ERMAP: variants seen among roughly 807,000 people sequenced by gnomAD.
ERMAP encodes the protein erythroid membrane-associated protein.
ERMAP carries 34 observed loss-of-function variants against 49.5 expected under a neutral mutation model. That is an observed-to-expected ratio of 0.69 (90% CI 0.52 to 0.91). ERMAP has a LOEUF of 0.91. Among genes scored for constraint, ERMAP ranks in the 40% least tolerant of loss-of-function variants. The pLI is 0.00. For missense variants in ERMAP, 541 were observed against 582.6 expected (o/e 0.93, Z 0.74); for synonymous variants, 214 against 232.2 (o/e 0.92, Z 0.71).
rs145113385 is a variant in ERMAP at position 42,819,170 on chromosome 1, CGTGTGTGT to C, written c.-122+1947_-122+1954del. Among the ~76,000 whole-genome samples, 4,199 of 142,302 alleles carry C rather than the reference CGTGTGTGT, an allele frequency of 0.03. 122 individuals carry two copies. Among genetic ancestry groups the C allele is most frequent in the South Asian group, 0.11 (486 of 4,368 alleles). 93.4% of individuals were successfully genotyped at this position (142,302 alleles called of 152,430 possible). A position where few individuals can be genotyped will look rare whatever the true frequency, so the allele number is the denominator to read the frequency against. On this transcript the variant is annotated intron_variant, in intron 1 of 11. Transcript: ENST00000372517. The surrounding 1 kb of genome is among the most constrained non-coding windows in gnomAD (Gnocchi z 5.1). ...GGTGAGGAAGAGGATAAGTTAGGAGCGTGTGTGTGTGTGTGTGTGTGTGTGTGTGTGTG... is the reference window on the plus strand; with the variant it reads ...GGTGAGGAAGAGGATAAGTTAGGAGCGTGTGTGTGTGTGTGTGTGTGTGTG...
At chr1:42,839,273 A>C (rs1654989657) in intron 8 of ERMAP, 1 of 333,034 alleles carries the variant, frequency 3.0e-6, no homozygotes, top group Non-Finnish European at 5.6e-6. Flanking sequence ...ATGCTGGAGC[A>C]GTACTTCTCC....
At chr1:42,839,070 G>T in intron 8 of ERMAP, 149 bp downstream of exon 8, 1 of 1,157,490 alleles carries the variant, frequency 8.6e-7, no homozygotes, top group Non-Finnish European at 1.3e-6. Context: ...GCTCTCAAAG[G>T]CCTCTTTTCT....
chr1:42,825,382 G>A, intron 1 of ERMAP: 1 of 699,212 alleles, frequency 1.4e-6, no homozygotes. Context: ...AATTACTATT[G>A]GCAGCATTGG....
rs1655122112 is a variant in ERMAP, at chr1:42,843,297, C to G, written c.*65C>G. 5 of 1,208,254 alleles carry G rather than the reference C, an allele frequency of 4.1e-6. No individual in the cohort carries two copies. Among genetic ancestry groups the G allele is most frequent in the Middle Eastern group, 2.1e-4 (1 of 4,770 alleles). The allele number at this position is 1,208,254 out of a possible 1,614,324, so 74.8% of individuals were successfully genotyped here. ...AGCACCCTGGACTTCAGTCGCCTGGCCCAACCCCATGATTATGGAACGTCT... is the reference window on the plus strand; with the variant it reads ...AGCACCCTGGACTTCAGTCGCCTGGGCCAACCCCATGATTATGGAACGTCT... On this transcript the variant is annotated 3_prime_UTR_variant, in exon 12 of 12. Coordinates refer to ENST00000372517, the MANE Select transcript of ERMAP (RefSeq NM_001017922.2).
At chr1:42,827,402 T>G (rs1450304688) in intron 2 of ERMAP, among the ~76,000 whole-genome samples, 3 of 152,220 alleles carry the variant, frequency 2.0e-5, no homozygotes, top group African/African-American at 7.2e-5. Flanking sequence ...CTCAAACTCC[T>G]GGGCTCAAGC....
intron 10 of ERMAP, 27 bp from the exon 11 acceptor site, chr1:42,840,243 T>C (rs777922106): frequency 2.8e-5 from 45 of 1,614,214 alleles, no homozygotes; most frequent in Non-Finnish European, 3.7e-5. Context: ...TCTGGTACTT[T>C]AATGATCCCC....
chr1:42,825,769 T>C, intron 2 of ERMAP, 31 bp downstream of exon 2: 1 of 1,289,220 alleles, frequency 7.8e-7, no homozygotes, highest in South Asian at 1.2e-5. Context: ...TCATGCTTTT[T>C]AGTCCTTTAA....
At chr1:42,824,073 G>A (rs1287990033) in intron 1 of ERMAP, among the ~76,000 whole-genome samples, 1 of 152,158 alleles carries the variant, frequency 6.6e-6, no homozygotes. Context: ...GGCCGGGCGC[G>A]GTGGCTCACG....
chr1:42,831,314 G>A (rs962123609), intron 4 of ERMAP, among the ~76,000 whole-genome samples, 199 bp downstream of exon 4: 1 of 152,210 alleles, frequency 6.6e-6, no homozygotes, highest in Non-Finnish European at 1.5e-5. Flanking sequence ...TTCTGATAAG[G>A]AAGGAACTCA....
In ERMAP at chr1:42,843,892, G is replaced by A. The variant is rs1338897912; in HGVS notation, c.*660G>A. The A allele has an allele frequency of 2.8e-5, 11 of 396,062 alleles. No individual in the cohort carries two copies. Among genetic ancestry groups the A allele is most frequent in the Non-Finnish European group, 4.4e-5 (10 of 225,022 alleles). The allele number at this position is 396,062 out of a possible 1,614,324, so 24.5% of individuals were successfully genotyped here. On this transcript the variant is annotated 3_prime_UTR_variant, in exon 12 of 12. Transcript: ENST00000372517. ...CCTGTTGATGGTAACTAGGTACAGC[G>A]ACTTTAAATACAGTTGCTATAATCC...
intron 6 of ERMAP, among the ~76,000 whole-genome samples, chr1:42,836,746 C>T (rs1654911630): frequency 1.3e-5 from 2 of 151,936 alleles, no homozygotes; most frequent in Non-Finnish European, 2.9e-5. Flanking sequence ...ATCCCAGCTA[C>T]TCAGGAGACA....
chr1:42,825,780 C>A, intron 2 of ERMAP, 42 bp downstream of exon 2: 1 of 1,288,682 alleles, frequency 7.8e-7, no homozygotes, highest in Middle Eastern at 2.1e-4. Context: ...AGTCCTTTAA[C>A]TTTCTCAGGA....
intron 4 of ERMAP, among the ~76,000 whole-genome samples, chr1:42,833,508 A>G (rs539637445): frequency 8.4e-4 from 128 of 152,320 alleles, no homozygotes; most frequent in Admixed American, 2.1e-3. Flanking sequence ...TAAGGGCTGC[A>G]TAGTATTTTG....
chr1:42,838,911 T>C lies in ERMAP; in HGVS notation c.627T>C (p.His209=). The C allele has an allele frequency of 6.2e-7, 1 of 1,614,182 alleles. No individual in the cohort carries two copies. Among genetic ancestry groups the C allele is most frequent in the Non-Finnish European group, 8.5e-7 (1 of 1,180,020 alleles). ...CTTTCTGGTTTTTAGGAAAACTCCATAAAGCTGTCAGTAAGTTTTGCTCCT... is the reference window on the plus strand; with the variant it reads ...CTTTCTGGTTTTTAGGAAAACTCCACAAAGCTGTCAGTAAGTTTTGCTCCT... ...SDHAKEKGKL[H]KAVKKLRSEL... is the part of the protein sequence containing the mutation. The change falls in exon 8 of 12, where the codon CAT becomes CAC. Residue 209 remains histidine, a synonymous_variant. Transcript: ENST00000372517.
chr1:42,843,202 C>G lies in ERMAP; in HGVS notation c.1398C>G (p.Ala466=). ...CCTTGCCCCCTGACCTTGGCCCAGC[C>G]CTTCAGGAGCTCAAGGCTCCTTCTT... ...ILSLPPDLGP[A]LQELKAPSF is the part of the protein sequence containing the mutation. The change falls in exon 12 of 12, where the codon GCC becomes GCG. Residue 466 remains alanine (A), a synonymous_variant. Transcript: ENST00000372517. 6.2e-7 allele frequency: 1 copy of G among 1,600,656 alleles called. No individual in the cohort carries two copies. Among genetic ancestry groups the G allele is most frequent in the Non-Finnish European group, 8.5e-7 (1 of 1,174,630 alleles).
At chr1:42,824,084 C>T (rs1654470137) in intron 1 of ERMAP, among the ~76,000 whole-genome samples, 1 of 152,186 alleles carries the variant, frequency 6.6e-6, no homozygotes, top group Admixed American at 6.5e-5. Flanking sequence ...GTGGCTCACG[C>T]CTGTAATCCC....
Position 42,831,055 on chromosome 1 carries a change from C to G in ERMAP, c.373C>G (p.Arg125Gly), listed in dbSNP as rs772256111. 2.5e-6 allele frequency: 4 copies of G among 1,614,198 alleles called. 1 individual carries two copies. Among genetic ancestry groups the G allele is most frequent in the Non-Finnish European group, 3.4e-6 (4 of 1,180,046 alleles). Residue 125 changes from arginine (R) to glycine (G), a missense_variant, in exon 4 of 12, where the codon CGA becomes GGA. Coordinates refer to ENST00000372517, the MANE Select transcript of ERMAP (RefSeq NM_001017922.2). ...DVRLEDQGSYRCLIQVGNLSK... is the reference protein window; with the variant it reads ...DVRLEDQGSYGCLIQVGNLSK... ...GCGCCTTGAGGACCAAGGGTCTTACCGATGTCTGATCCAAGTTGGAAATCT... is the reference window on the plus strand; with the variant it reads ...GCGCCTTGAGGACCAAGGGTCTTACGGATGTCTGATCCAAGTTGGAAATCT...
At chr1:42,825,779 A>G (rs1346124488) in intron 2 of ERMAP, 41 bp downstream of exon 2, 2 of 1,288,360 alleles carry the variant, frequency 1.6e-6, no homozygotes. Context: ...TAGTCCTTTA[A>G]CTTTCTCAGG....
chr1:42,820,347 C>T (rs1356293302), intron 1 of ERMAP, among the ~76,000 whole-genome samples: 2 of 148,924 alleles, frequency 1.3e-5, no homozygotes, highest in Non-Finnish European at 3.0e-5. Context: ...ACAAAGTCTT[C>T]AATTCTGGGA....
Sources: allele counts gnomAD v4.1 joint callset (sites outside exome capture counted in the v4.1 genomes callset), GRCh38; gene constraint gnomAD v4.1.1; non-coding constraint Gnocchi (gnomAD v3.1); transcripts MANE v1.5; gene names NCBI Gene and HGNC (gene_info 2026-07-23, HGNC 2026-07-21).